The following CD8B2 variants were observed in gnomAD, a reference collection of about 807,000 sequenced individuals.
The protein encoded by CD8B2 is T-cell surface glycoprotein CD8 beta-2 chain.
In CD8B2, 11 loss-of-function variants were observed where a neutral mutation model predicts 23.7. The ratio of observed to expected loss-of-function variants is 0.46; its 90% CI spans 0.29 to 0.77. The LOEUF (loss-of-function observed/expected upper bound fraction) is 0.77, where lower values mean the gene tolerates loss of function less well. Ranked by LOEUF, CD8B2 falls within the 30% of genes least tolerant of loss-of-function variation. CD8B2 has a pLI of 0.09. For missense variants in CD8B2, 197 were observed against 270.5 expected (o/e 0.73, Z 1.91); for synonymous variants, 90 against 109.3 (o/e 0.82, Z 1.10).
intron 3 of CD8B2, among the ~76,000 whole-genome samples, chr2:106,498,282 G>C (rs1309450796): frequency 2.0e-5 from 3 of 151,854 alleles, no homozygotes; most frequent in African/African-American, 7.3e-5. Context: ...AGAGTAGCTG[G>C]GATTACAGGT....
chr2:106,513,312 C>T (rs1679672671), downstream of CD8B2, among the ~76,000 whole-genome samples: 1 of 151,938 alleles, frequency 6.6e-6, no homozygotes, highest in Admixed American at 6.6e-5. Flanking sequence ...TTCTCATGAC[C>T]AGGGGGACAC....
At chr2:106,523,801 C>T (rs769262942) in intron 5 of CD8B2, among the ~76,000 whole-genome samples, 4 of 152,102 alleles carry the variant, frequency 2.6e-5, no homozygotes, top group East Asian at 1.9e-4. Flanking sequence ...CAGGAAGAGA[C>T]GTAGCTGCAA....
In CD8B2 at chr2:106,520,997, C is replaced by CAA. The variant is rs59626611; in HGVS notation, c.620+16681_620+16682dup. Among the ~76,000 whole-genome samples the CAA allele has an allele frequency of 5.2e-3, 723 of 138,396 alleles. 9 individuals are homozygous for CAA. The highest frequency in any genetic ancestry group is 0.021 in the South Asian group (92 of 4,376). The allele number at this position is 138,396 out of a possible 152,430, so 90.8% of individuals were successfully genotyped here. A position where few individuals can be genotyped will look rare whatever the true frequency, so the allele number is the denominator to read the frequency against. On this transcript the variant is annotated intron_variant, in intron 5 of 5. Coordinates refer to the CD8B2 transcript ENST00000416057. ...CAACTCTCTCTCTAAGAAAAAATTG[C>CAA]AAAAAAAAAATCATAATGTTTTAAG... is the stretch of plus-strand genomic sequence containing the variant.
intron 5 of CD8B2, among the ~76,000 whole-genome samples, chr2:106,534,728 A>C (rs1680059572): frequency 6.6e-6 from 1 of 152,218 alleles, no homozygotes; most frequent in African/African-American, 2.4e-5. Flanking sequence ...TAGTGTTTCA[A>C]CATTATAAAA....
chr2:106,505,086 G>A (rs142737202), intron 5 of CD8B2, among the ~76,000 whole-genome samples: 149 of 152,296 alleles, frequency 9.8e-4, no homozygotes, highest in African/African-American at 3.5e-3. Context: ...TTTGCAAGTT[G>A]CTTTTCCCTG....
At position 106,507,155 on chromosome 2, in the gene CD8B2, T is replaced by C; in HGVS notation, c.*215T>C. ...GGGAATACTAGGGAGAAGGTTTCAT[T>C]GCCCCCAGGGCACTTCACAGAGTGT... On this transcript the variant is annotated 3_prime_UTR_variant, in exon 6 of 6. Transcript: ENST00000643224. 1.4e-6 allele frequency: 2 copies of C among 1,410,048 alleles called. No homozygotes were observed. Among genetic ancestry groups the C allele is most frequent in the Middle Eastern group, 5.3e-4 (2 of 3,748 alleles). 87.3% of individuals were successfully genotyped at this position (1,410,048 alleles called of 1,614,324 possible). A position where few individuals can be genotyped will look rare whatever the true frequency, so the allele number is the denominator to read the frequency against.
At chr2:106,521,530 A>G (rs548655875) in intron 5 of CD8B2, 91 of 152,350 alleles carry the variant, frequency 6.0e-4, no homozygotes, top group African/African-American at 2.1e-3. Context: ...GTCTGCCTGT[A>G]TAATTTATTC....
intron 5 of CD8B2, among the ~76,000 whole-genome samples, chr2:106,506,464 G>A (rs1008449194): frequency 6.6e-6 from 1 of 152,122 alleles, no homozygotes; most frequent in Middle Eastern, 3.4e-3. Context: ...GAACAAAAGG[G>A]TTTGTGGCTT....
chr2:106,528,822 C>A (rs952666355), intron 5 of CD8B2, among the ~76,000 whole-genome samples: 1 of 152,180 alleles, frequency 6.6e-6, no homozygotes, highest in Non-Finnish European at 1.5e-5. Flanking sequence ...CATTTAGGTT[C>A]CACCAATAAA....
intron 3 of CD8B2, among the ~76,000 whole-genome samples, chr2:106,500,981 T>G (rs932828559): frequency 2.6e-5 from 4 of 152,160 alleles, no homozygotes; most frequent in South Asian, 2.1e-4. Context: ...TGGCAAAAAC[T>G]AAAACATTTT....
intron 5 of CD8B2, among the ~76,000 whole-genome samples, chr2:106,537,717 C>T (rs1227834705): frequency 6.6e-6 from 1 of 152,180 alleles, no homozygotes; most frequent in Non-Finnish European, 1.5e-5. Context: ...AAGTGGCGGT[C>T]GATTTCTAAA....
intron 5 of CD8B2, among the ~76,000 whole-genome samples, chr2:106,525,866 G>A (rs13399360): frequency 2.4e-4 from 37 of 152,290 alleles, no homozygotes; most frequent in African/African-American, 8.4e-4. Context: ...ATAAGAGTCC[G>A]CAGTGAAGTG....
intron 3 of CD8B2, among the ~76,000 whole-genome samples, chr2:106,501,391 T>C (rs1298441740): frequency 3.3e-5 from 5 of 152,254 alleles, no homozygotes; most frequent in South Asian, 2.1e-4. Context: ...TAAAACTATA[T>C]GTATTTAAGG....
intron 5 of CD8B2, among the ~76,000 whole-genome samples, chr2:106,537,713 C>T (rs961480228): frequency 1.3e-5 from 2 of 152,130 alleles, no homozygotes; most frequent in Admixed American, 6.5e-5. Flanking sequence ...ACTGAAGTGG[C>T]GGTCGATTTC....
intron 5 of CD8B2, among the ~76,000 whole-genome samples, chr2:106,506,655 G>GA (rs66828747): frequency 0.61 from 91,341 of 148,712 alleles, 29,162 homozygotes; most frequent in East Asian, 0.99. Flanking sequence ...ATAAATTTGT[G>GA]ATTCTCTTAG....
chr2:106,526,793 G>T (rs1296262872), intron 5 of CD8B2, among the ~76,000 whole-genome samples: 1 of 152,126 alleles, frequency 6.6e-6, no homozygotes, highest in Admixed American at 6.5e-5. Context: ...GGGATTACAG[G>T]CATGTGCCAC....
chr2:106,501,142 G>T (rs1301531547), intron 3 of CD8B2, among the ~76,000 whole-genome samples: 2 of 152,112 alleles, frequency 1.3e-5, no homozygotes, highest in Non-Finnish European at 2.9e-5. Flanking sequence ...TTTACCTCAG[G>T]AAGGCACCTT....
rs1261651361 is a variant in CD8B2 at position 106,510,759 on chromosome 2, T to C, written c.*3819T>C. The C allele has an allele frequency of 6.6e-6, 1 of 152,040 alleles. No individual in the cohort carries two copies. The highest frequency in any genetic ancestry group is 2.4e-5 in the African/African-American group (1 of 41,374). The allele number at this position is 152,040 out of a possible 1,614,324, so 9.4% of individuals were successfully genotyped here. A position where few individuals can be genotyped will look rare whatever the true frequency, so the allele number is the denominator to read the frequency against. On this transcript the variant is annotated 3_prime_UTR_variant, in exon 6 of 6. Coordinates refer to ENST00000643224, the MANE Select transcript of CD8B2 (RefSeq NM_001349727.2). ...AAATAAATTTTTTCTAAAAAAAGTT[T>C]CTTGTTTTTTTTTCTTCCCATATTT... is the stretch of plus-strand genomic sequence containing the variant.
At chr2:106,521,048 GAA>G (rs1491437757) in intron 5 of CD8B2, among the ~76,000 whole-genome samples, 4 of 149,624 alleles carry the variant, frequency 2.7e-5, no homozygotes, top group East Asian at 2.0e-4. Flanking sequence ...GAGAGAGAGA[GAA>G]AGAGAGAGAC....
Sources: gnomAD v4.1 joint callset for allele counts (sites outside exome capture counted in the v4.1 genomes callset) on GRCh38, gnomAD v4.1.1 for gene constraint, MANE v1.5 for transcripts, NCBI Gene and HGNC (gene_info 2026-07-23, HGNC 2026-07-21) for gene names.